The following LRRTM4 variants were observed in gnomAD, a reference collection of about 807,000 sequenced individuals.
The protein encoded by LRRTM4 is leucine-rich repeat transmembrane neuronal protein 4.
In LRRTM4, 25 loss-of-function variants were observed where a neutral mutation model predicts 47.6. That is an observed-to-expected ratio of 0.53 (90% CI 0.38 to 0.73). The LOEUF is 0.73. Ranked by LOEUF, LRRTM4 falls within the 30% of genes least tolerant of loss-of-function variation. LRRTM4 has a pLI of 0.00. For synonymous variants in LRRTM4, 311 were observed against 269.5 expected, an observed-to-expected ratio of 1.15 and a Z score of -1.51; for missense variants, 638 against 713.4, an observed-to-expected ratio of 0.89 and a Z score of 1.20.
intron 3 of LRRTM4, among the ~76,000 whole-genome samples, chr2:77,068,123 A>G (rs1469136033): frequency 6.6e-6 from 1 of 152,162 alleles, no homozygotes; most frequent in Non-Finnish European, 1.5e-5. Context: ...TCATAAATAT[A>G]GAGACTGGTT....
intron 3 of LRRTM4, among the ~76,000 whole-genome samples, chr2:77,487,961 G>C (rs1405660756): frequency 6.6e-6 from 1 of 152,146 alleles, no homozygotes. Context: ...CCAGTTGTCA[G>C]CATACCTCAT....
intron 3 of LRRTM4, among the ~76,000 whole-genome samples, chr2:77,217,440 A>AATATATATATATATATAT (rs34070418): frequency 0.087 from 6,638 of 76,196 alleles, 806 homozygotes; most frequent in Non-Finnish European, 0.097. Flanking sequence ...CTCCAAATGA[A>AATATATATATATATATAT]ATATATATAT....
chr2:76,826,327 C>T (rs76520684), intron 3 of LRRTM4, among the ~76,000 whole-genome samples: 6,325 of 151,546 alleles, frequency 0.042, 305 homozygotes, highest in African/African-American at 0.099. Flanking sequence ...TGAGAAACAG[C>T]TGGTTTTGAA....
chr2:77,472,446 G>A (rs1027422893), intron 3 of LRRTM4, among the ~76,000 whole-genome samples: 8 of 152,076 alleles, frequency 5.3e-5, no homozygotes, highest in African/African-American at 1.9e-4. Flanking sequence ...AATGGGATAG[G>A]ATGTGCTAAT....
At chr2:76,752,190 C>T (rs568668884) in intron 3 of LRRTM4, among the ~76,000 whole-genome samples, 49 of 152,124 alleles carry the variant, frequency 3.2e-4, no homozygotes, top group African/African-American at 1.0e-3. Context: ...TTTTGCACAA[C>T]CAGGTGAATC....
intron 3 of LRRTM4, among the ~76,000 whole-genome samples, chr2:77,282,169 T>C (rs1293856701): frequency 2.0e-5 from 3 of 151,904 alleles, no homozygotes; most frequent in African/African-American, 7.2e-5. Context: ...TTGGTTAGAT[T>C]TATTCCTGGA....
chr2:77,312,669 C>A (rs1172811286), intron 3 of LRRTM4, among the ~76,000 whole-genome samples: 2 of 152,076 alleles, frequency 1.3e-5, no homozygotes, highest in Non-Finnish European at 2.9e-5. Context: ...CTTCCATTTT[C>A]AAATCATGGC....
At chr2:77,222,801 C>A (rs1207165662) in intron 3 of LRRTM4, among the ~76,000 whole-genome samples, 1 of 152,136 alleles carries the variant, frequency 6.6e-6, no homozygotes, top group African/African-American at 2.4e-5. Flanking sequence ...GGTACTATTC[C>A]TTCTGAAACT....
intron 3 of LRRTM4, among the ~76,000 whole-genome samples, chr2:77,016,028 C>T (rs557134946): frequency 6.6e-6 from 1 of 152,032 alleles, no homozygotes; most frequent in South Asian, 2.1e-4. Flanking sequence ...TTGCAGTGAG[C>T]CGAGATCACG....
chr2:77,376,857 G>C (rs976848899), intron 3 of LRRTM4, among the ~76,000 whole-genome samples: 1 of 151,678 alleles, frequency 6.6e-6, no homozygotes, highest in African/African-American at 2.4e-5. Flanking sequence ...CAATCACTAA[G>C]CACATCCCAT....
chr2:76,859,476 A>C (rs933353661), intron 3 of LRRTM4, among the ~76,000 whole-genome samples: 8 of 152,286 alleles, frequency 5.3e-5, no homozygotes, highest in Admixed American at 3.9e-4. Context: ...TGATACACAG[A>C]GAAGTTAAAA....
At chr2:76,764,026 G>T (rs1054062901) in intron 3 of LRRTM4, among the ~76,000 whole-genome samples, 6 of 152,124 alleles carry the variant, frequency 3.9e-5, no homozygotes, top group African/African-American at 1.4e-4. Context: ...TTTGTAAAAA[G>T]AACTCAGTTG....
intron 3 of LRRTM4, among the ~76,000 whole-genome samples, chr2:76,870,519 G>A (rs1026434941): frequency 6.6e-5 from 10 of 152,082 alleles, no homozygotes; most frequent in African/African-American, 1.9e-4. Context: ...AATATGTCAA[G>A]CTTAGGTATA....
chr2:77,508,385 G>T (rs1248584468), intron 3 of LRRTM4, among the ~76,000 whole-genome samples: 1 of 152,102 alleles, frequency 6.6e-6, no homozygotes, highest in Non-Finnish European at 1.5e-5. Flanking sequence ...TTTTAGCTCA[G>T]ATCCATCTCA....
intron 3 of LRRTM4, among the ~76,000 whole-genome samples, chr2:77,219,925 C>A (rs1308094989): frequency 6.6e-6 from 1 of 152,266 alleles, no homozygotes; most frequent in Middle Eastern, 3.4e-3. Flanking sequence ...GGGTCCCTGA[C>A]CCCCGAGTAG....
At chr2:77,432,224 G>C (rs1675408266) in intron 3 of LRRTM4, among the ~76,000 whole-genome samples, 1 of 152,182 alleles carries the variant, frequency 6.6e-6, no homozygotes, top group Non-Finnish European at 1.5e-5. Context: ...GGTTCCCAAA[G>C]CTCCACATAG....
At chr2:77,143,103 A>G (rs746247593) in intron 3 of LRRTM4, among the ~76,000 whole-genome samples, 10 of 152,196 alleles carry the variant, frequency 6.6e-5, no homozygotes, top group Non-Finnish European at 1.3e-4. Flanking sequence ...GGACTGGATT[A>G]AAAGTATTAC....
At chr2:76,940,976 T>G (rs1387317804) in intron 3 of LRRTM4, among the ~76,000 whole-genome samples, 3 of 152,190 alleles carry the variant, frequency 2.0e-5, no homozygotes, top group South Asian at 2.1e-4. Flanking sequence ...ATCTTCAGAA[T>G]TTACATTAAT....
chr2:76,794,692 C>G (rs558654243), intron 3 of LRRTM4, among the ~76,000 whole-genome samples: 1 of 152,158 alleles, frequency 6.6e-6, no homozygotes, highest in Admixed American at 6.5e-5. Context: ...GTTTTTCAAA[C>G]TTGACATTAG....
Sources: allele counts gnomAD v4.1 joint callset (sites outside exome capture counted in the v4.1 genomes callset), GRCh38; gene constraint gnomAD v4.1.1; transcripts MANE v1.5; gene names NCBI Gene and HGNC (gene_info 2026-07-23, HGNC 2026-07-21).